Variants in ACAP2 observed in about 807,000 individuals in gnomAD.
ACAP2 encodes the protein ArfGAP with coiled-coil, ankyrin repeat and PH domains 2.
A neutral mutation model predicts 115.8 loss-of-function variants in ACAP2; 39 were observed. The observed-to-expected ratio is 0.34, with a 90% confidence interval of 0.26 to 0.44. The LOEUF (loss-of-function observed/expected upper bound fraction) is 0.44, where lower values mean the gene tolerates loss of function less well. Ranked by LOEUF, ACAP2 falls within the 20% of genes least tolerant of loss-of-function variation. ACAP2 has a pLI of 1.00. For synonymous variants in ACAP2, 289 were observed against 315.8 expected, an observed-to-expected ratio of 0.92 and a Z score of 0.90; for missense variants, 662 against 927.6, an observed-to-expected ratio of 0.71 and a Z score of 3.72.
chr3:195,304,595 CAG>C (rs1728300829), intron 13 of ACAP2, among the ~76,000 whole-genome samples: 2 of 152,204 alleles, frequency 1.3e-5, no homozygotes, highest in African/African-American at 4.8e-5. Context: ...AGGATTAAAA[CAG>C]AGTCTCTGAA....
Position 195,381,054 on chromosome 3 carries a change from C to T in ACAP2, c.240G>A (p.Leu80=), listed in dbSNP as rs1225187595. Residue 80 remains leucine, a synonymous_variant, in exon 4 of 23, where the codon TTG becomes TTA. Coordinates refer to ENST00000326793, the MANE Select transcript of ACAP2 (RefSeq NM_012287.6). ...CTTGAAGACTGTCAGAAAACTTGGT[C>T]AAACTTGTCTATGAGAAAAAAAGCA... The part of the protein sequence containing the change: ...SSNDAVVETS[L]TKFSDSLQEM... 1 of 1,600,754 alleles carries T rather than the reference C, an allele frequency of 6.2e-7. No individual in the cohort carries two copies. Among genetic ancestry groups the T allele is most frequent in the Non-Finnish European group, 8.5e-7 (1 of 1,177,244 alleles).
rs1414751472 is a variant in ACAP2 at position 195,307,262 on chromosome 3, A to G, written c.971T>C (p.Ile324Thr). The change falls in exon 12 of 23, where the codon ATA becomes ACA. Residue 324 changes from isoleucine (I) to threonine (T), a missense_variant. Around this residue, in one of 3 missense-constraint regions of ACAP2, gnomAD observed 401 missense variants for 604.4 expected, o/e 0.66. Transcript: ENST00000326793. ...CACCTCAAAGCAGAATCGTCGCTCT[A>G]TGTCTTCACAATGTTTCACTGTGCA... ...RLCTVKHCED[I>T]ERRFCFEVVS... is the part of the protein sequence containing the mutation. The G allele has an allele frequency of 6.2e-7, 1 of 1,613,564 alleles. No individual in the cohort carries two copies. Among genetic ancestry groups the G allele is most frequent in the Non-Finnish European group, 8.5e-7 (1 of 1,179,622 alleles).
At chr3:195,404,511 C>T (rs1048780761) in intron 1 of ACAP2, among the ~76,000 whole-genome samples, 1 of 151,908 alleles carries the variant, frequency 6.6e-6, no homozygotes, top group Admixed American at 6.6e-5. Flanking sequence ...TGAGTTGTAA[C>T]ATTCAGGAAG....
intron 1 of ACAP2, among the ~76,000 whole-genome samples, chr3:195,427,980 C>CATATAT (rs756444439): frequency 8.1e-5 from 11 of 136,290 alleles, no homozygotes; most frequent in African/African-American, 3.0e-4. Flanking sequence ...CACACAGATG[C>CATATAT]ATATATATAT....
rs369612301 is a variant in ACAP2 at position 195,439,615 on chromosome 3, GTTTTTTTGT to G, written c.53+3171_53+3179del. Among the ~76,000 whole-genome samples, 618 of 151,154 alleles carry G rather than the reference GTTTTTTTGT, an allele frequency of 4.1e-3. 1 individual carries two copies. Among genetic ancestry groups the G allele is most frequent in the African/African-American group, 0.011 (456 of 41,144 alleles). ...CTAAGTAAAACAGAATACATTTTGG[GTTTTTTTGT>G]TTTTTTTGTTTTTTTTGTTTTTGAG... On this transcript the variant is annotated intron_variant, in intron 1 of 22. Coordinates refer to ENST00000326793, the MANE Select transcript of ACAP2 (RefSeq NM_012287.6).
chr3:195,389,366 T>C (rs1378757127), intron 2 of ACAP2, among the ~76,000 whole-genome samples: 2 of 152,252 alleles, frequency 1.3e-5, no homozygotes, highest in African/African-American at 4.8e-5. Context: ...GGATTCTATC[T>C]GTTTAGGTAT....
chr3:195,420,737 G>A (rs991270175), intron 1 of ACAP2, among the ~76,000 whole-genome samples: 2 of 152,046 alleles, frequency 1.3e-5, no homozygotes, highest in African/African-American at 4.8e-5. Flanking sequence ...CCAGCTCCCA[G>A]GTTCAAGTGA....
chr3:195,292,611 A>G (rs1006120560), intron 18 of ACAP2, among the ~76,000 whole-genome samples, 159 bp from the exon 19 acceptor site: 1 of 152,182 alleles, frequency 6.6e-6, no homozygotes, highest in Non-Finnish European at 1.5e-5. Context: ...TAATGCCACT[A>G]AACTGTACAC....
At chr3:195,418,846 A>G (rs775426477) in intron 1 of ACAP2, among the ~76,000 whole-genome samples, 1 of 152,250 alleles carries the variant, frequency 6.6e-6, no homozygotes, top group South Asian at 2.1e-4. Flanking sequence ...GAGATAAACA[A>G]TAAGTCCAGA....
At chr3:195,324,236 T>C (rs1213922464) in intron 9 of ACAP2, among the ~76,000 whole-genome samples, 1 of 152,082 alleles carries the variant, frequency 6.6e-6, no homozygotes. Flanking sequence ...CCAAAAATAA[T>C]TAAGACAGCA....
chr3:195,297,674 G>A (rs1356606528), intron 15 of ACAP2, among the ~76,000 whole-genome samples: 1 of 152,240 alleles, frequency 6.6e-6, no homozygotes, highest in African/African-American at 2.4e-5. Context: ...TGTTAGGACA[G>A]TAAGTTAAAC....
intron 2 of ACAP2, among the ~76,000 whole-genome samples, chr3:195,389,359 TTCTA>T (rs1194654245): frequency 6.6e-6 from 1 of 152,202 alleles, no homozygotes; most frequent in Non-Finnish European, 1.5e-5. Context: ...TGTCAGTGGA[TTCTA>T]TCTGTTTAGG....
At chr3:195,303,944 A>G (rs1728237736) in intron 13 of ACAP2, among the ~76,000 whole-genome samples, 1 of 151,998 alleles carries the variant, frequency 6.6e-6, no homozygotes, top group Admixed American at 6.6e-5. Flanking sequence ...AGTGGATCAC[A>G]AGGTCAGGAG....
At chr3:195,295,504 A>T in intron 17 of ACAP2, 1 of 645,088 alleles carries the variant, frequency 1.6e-6, no homozygotes. Flanking sequence ...TAGAATATAC[A>T]CATTACCTAG....
intron 15 of ACAP2, among the ~76,000 whole-genome samples, chr3:195,300,782 C>T (rs187113585): frequency 1.3e-5 from 2 of 152,088 alleles, no homozygotes; most frequent in South Asian, 2.1e-4. Context: ...TTTGGGAGGC[C>T]GAGGTAGATG....
intron 15 of ACAP2, among the ~76,000 whole-genome samples, chr3:195,299,107 GTCT>G (rs1412056945): frequency 6.6e-6 from 1 of 152,078 alleles, no homozygotes; most frequent in East Asian, 1.9e-4. Flanking sequence ...TATATATAAA[GTCT>G]TCTTTAAAAT....
At chr3:195,332,466 T>C (rs578203492) in intron 8 of ACAP2, among the ~76,000 whole-genome samples, 2 of 152,370 alleles carry the variant, frequency 1.3e-5, no homozygotes, top group South Asian at 4.1e-4. Context: ...GATTTCATTT[T>C]TTGGGTATAC....
intron 10 of ACAP2, among the ~76,000 whole-genome samples, chr3:195,312,726 A>G (rs1728849232): frequency 6.6e-6 from 1 of 152,242 alleles, no homozygotes; most frequent in Non-Finnish European, 1.5e-5. Flanking sequence ...TAAATCAAAG[A>G]TTCCTTTACA....
intron 22 of ACAP2, 119 bp from the exon 23 acceptor site, chr3:195,279,547 C>A: frequency 1.1e-5 from 6 of 528,616 alleles, no homozygotes; most frequent in South Asian, 1.4e-4. Context: ...TTCAGATGAG[C>A]ATTTTTGGAA....
Sources: allele counts gnomAD v4.1 joint callset (sites outside exome capture counted in the v4.1 genomes callset), GRCh38; gene constraint gnomAD v4.1.1; regional missense constraint gnomAD v4.1.1; transcripts MANE v1.5; gene names NCBI Gene and HGNC (gene_info 2026-07-23, HGNC 2026-07-21).